C12orf54: variants seen among roughly 807,000 people sequenced by gnomAD.
The protein encoded by C12orf54 is uncharacterized protein C12orf54.
In C12orf54, 24 loss-of-function variants were observed where a neutral mutation model predicts 26.4. That is an observed-to-expected ratio of 0.91 (90% CI 0.66 to 1.28). The LOEUF is 1.28. Ranked by LOEUF, C12orf54 falls within the 50% of genes most tolerant of loss-of-function variation. The pLI is 0.00. For synonymous variants in C12orf54, 54 were observed against 47.0 expected (o/e 1.15, Z -0.61); for missense variants, 154 against 150.9 (o/e 1.02, Z -0.11).
intron 5 of C12orf54, 44 bp downstream of exon 5, chr12:48,489,000 G>A: frequency 1.9e-6 from 3 of 1,583,488 alleles, no homozygotes; most frequent in Non-Finnish European, 2.6e-6. Context: ...GCCCCATCAT[G>A]TGCCTTGATC....
chr12:48,453,014 A>T, the C12orf54 span, among the ~76,000 whole-genome samples: 1 of 152,246 alleles, frequency 6.6e-6, no homozygotes, highest in Non-Finnish European at 1.5e-5. Flanking sequence ...GATATAAATC[A>T]TTCTGTTATA....
At chr12:48,451,714 CA>C in the C12orf54 span, among the ~76,000 whole-genome samples, 1 of 152,066 alleles carries the variant, frequency 6.6e-6, no homozygotes. Flanking sequence ...AGCCAACAGC[CA>C]AATCACAATG....
At chr12:48,432,219 G>T in the C12orf54 span, among the ~76,000 whole-genome samples, 1 of 152,014 alleles carries the variant, frequency 6.6e-6, no homozygotes, top group Admixed American at 6.6e-5. Flanking sequence ...CCATTTCAAT[G>T]AATTTATTTT....
the C12orf54 span, among the ~76,000 whole-genome samples, chr12:48,444,656 A>T: frequency 6.6e-6 from 1 of 152,208 alleles, no homozygotes; most frequent in African/African-American, 2.4e-5. Context: ...CTGCAATTTC[A>T]CTATTCTCAC....
chr12:48,473,321 A>AT, the C12orf54 span: 1 of 1,178,012 alleles, frequency 8.5e-7, no homozygotes, highest in South Asian at 1.3e-5. Context: ...ATGGAGAGGT[A>AT]GATGATGAGG....
the C12orf54 span, among the ~76,000 whole-genome samples, chr12:48,453,890 GT>G: frequency 9.9e-5 from 15 of 151,698 alleles, no homozygotes; most frequent in Non-Finnish European, 1.5e-4. Context: ...AACAAAGAAG[GT>G]GATATTTTAC....
chr12:48,489,501 C>T (rs1937736753), intron 5 of C12orf54, among the ~76,000 whole-genome samples: 1 of 152,156 alleles, frequency 6.6e-6, no homozygotes, highest in Non-Finnish European at 1.5e-5. Context: ...TCTTGGCTCA[C>T]TGCAACCTCT....
chr12:48,463,725 A>G, the C12orf54 span, among the ~76,000 whole-genome samples: 1 of 152,186 alleles, frequency 6.6e-6, no homozygotes, highest in African/African-American at 2.4e-5. Flanking sequence ...CAAAAAGCTT[A>G]ACCACCATGA....
chr12:48,440,902 T>A, the C12orf54 span, among the ~76,000 whole-genome samples: 1 of 152,150 alleles, frequency 6.6e-6, no homozygotes, highest in Non-Finnish European at 1.5e-5. Context: ...CAATAATAAA[T>A]CATTAAAAGG....
the C12orf54 span, among the ~76,000 whole-genome samples, chr12:48,420,019 T>C: frequency 1.3e-5 from 2 of 152,116 alleles, no homozygotes; most frequent in Non-Finnish European, 1.5e-5. Flanking sequence ...TTTGAGAAGT[T>C]CTGATTCTTG....
chr12:48,429,916 A>G, the C12orf54 span, among the ~76,000 whole-genome samples: 1 of 152,190 alleles, frequency 6.6e-6, no homozygotes, highest in Non-Finnish European at 1.5e-5. Flanking sequence ...TTCAAACTAT[A>G]CTATAGGACC....
At chr12:48,484,674 G>A (rs754212128) in intron 2 of C12orf54, among the ~76,000 whole-genome samples, 14 of 152,200 alleles carry the variant, frequency 9.2e-5, no homozygotes, top group South Asian at 4.1e-4. Context: ...GCATAGTAGC[G>A]TGACTATAAT....
chr12:48,474,828 C>T, the C12orf54 span, among the ~76,000 whole-genome samples: 1 of 152,276 alleles, frequency 6.6e-6, no homozygotes, highest in East Asian at 1.9e-4. Context: ...GGGCAGGGCA[C>T]AGACAAACAA....
At chr12:48,434,268 C>T in the C12orf54 span, among the ~76,000 whole-genome samples, 2 of 152,236 alleles carry the variant, frequency 1.3e-5, no homozygotes, top group Non-Finnish European at 2.9e-5. Context: ...GGCTGGGAAG[C>T]TCGAACTGGG....
At chr12:48,437,767 C>G in the C12orf54 span, among the ~76,000 whole-genome samples, 5 of 150,722 alleles carry the variant, frequency 3.3e-5, no homozygotes, top group South Asian at 2.1e-4. Context: ...ATAATAAGAG[C>G]TATCTATGAC....
the C12orf54 span, among the ~76,000 whole-genome samples, chr12:48,445,909 G>A: frequency 2.6e-5 from 4 of 152,318 alleles, no homozygotes; most frequent in South Asian, 8.3e-4. Flanking sequence ...CATATTGAGA[G>A]AGTGGGGAGG....
At chr12:48,468,645 T>A in the C12orf54 span, among the ~76,000 whole-genome samples, 1 of 152,186 alleles carries the variant, frequency 6.6e-6, no homozygotes, top group South Asian at 2.1e-4. Context: ...CAGTCACTTT[T>A]TTTTCAACTT....
chr12:48,472,760 C>A, the C12orf54 span: 1 of 1,614,020 alleles, frequency 6.2e-7, no homozygotes, highest in Non-Finnish European at 8.5e-7. Flanking sequence ...CAAATGAAGG[C>A]AAATTGGAAG....
At chr12:48,438,514 G>C in the C12orf54 span, among the ~76,000 whole-genome samples, 2 of 152,152 alleles carry the variant, frequency 1.3e-5, no homozygotes, top group African/African-American at 4.8e-5. Flanking sequence ...ATACTACAAG[G>C]CTACAGTAAC....
Sources: allele counts gnomAD v4.1 joint callset (sites outside exome capture counted in the v4.1 genomes callset), GRCh38; gene constraint gnomAD v4.1.1; transcripts MANE v1.5; gene names NCBI Gene and HGNC (gene_info 2026-07-23, HGNC 2026-07-21).